Variants in ANKRD42 observed in about 807,000 individuals in gnomAD.
ANKRD42 encodes the protein ankyrin repeat domain-containing protein 42.
ANKRD42 carries 43 observed loss-of-function variants against 51.5 expected under a neutral mutation model. The ratio of observed to expected loss-of-function variants is 0.83; its 90% CI spans 0.65 to 1.08. The LOEUF (loss-of-function observed/expected upper bound fraction) is 1.08, where lower values mean the gene tolerates loss of function less well. Among genes scored for constraint, ANKRD42 ranks in the 50% least tolerant of loss-of-function variants. ANKRD42 has a pLI of 0.00. For synonymous variants in ANKRD42, 203 were observed against 213.0 expected, an observed-to-expected ratio of 0.95 and a Z score of 0.41; for missense variants, 608 against 629.3, an observed-to-expected ratio of 0.97 and a Z score of 0.36.
At chr11:83,247,620 C>T (rs1330425352) in intron 10 of ANKRD42, among the ~76,000 whole-genome samples, 1 of 152,170 alleles carries the variant, frequency 6.6e-6, no homozygotes, top group African/African-American at 2.4e-5. Context: ...ACTACTCTTT[C>T]CTGCTTTATT....
chr11:83,261,579 A>G (rs1446003515), downstream of ANKRD42: 1 of 179,544 alleles, frequency 5.6e-6, no homozygotes, highest in African/African-American at 2.4e-5. Context: ...AATACCCACA[A>G]AATCCTGTAT....
intron 3 of ANKRD42, among the ~76,000 whole-genome samples, chr11:83,207,736 C>A (rs1302400298): frequency 6.6e-6 from 1 of 152,200 alleles, no homozygotes; most frequent in Non-Finnish European, 1.5e-5. Context: ...AAGCAAGTGA[C>A]AGAGCTAGGA....
intron 5 of ANKRD42, chr11:83,213,307 T>G: frequency 6.3e-7 from 1 of 1,590,192 alleles, no homozygotes; most frequent in Non-Finnish European, 8.5e-7. Context: ...AGATGTTTCC[T>G]CCAAGAACTG....
intron 3 of ANKRD42, chr11:83,209,390 C>T (rs936905485): frequency 1.9e-6 from 3 of 1,558,832 alleles, no homozygotes; most frequent in Admixed American, 1.9e-5. Context: ...GCTAGCAAAC[C>T]GAGCGATCAT....
At chr11:83,223,730 A>G (rs1862786936) in intron 5 of ANKRD42, among the ~76,000 whole-genome samples, 1 of 152,094 alleles carries the variant, frequency 6.6e-6, no homozygotes, top group African/African-American at 2.4e-5. Flanking sequence ...GGGAGGATAG[A>G]TTGATATGTG....
intron 7 of ANKRD42, 27 bp from the exon 8 acceptor site, chr11:83,236,377 C>A: frequency 1.3e-6 from 2 of 1,568,356 alleles, no homozygotes; most frequent in Non-Finnish European, 1.7e-6. Context: ...GTGTGTAATT[C>A]CTGTTCTTTT....
At chr11:83,264,131 CAT>C (rs1168738133), downstream of ANKRD42, among the ~76,000 whole-genome samples, 1 of 152,102 alleles carries the variant, frequency 6.6e-6, no homozygotes, top group Admixed American at 6.5e-5. Flanking sequence ...AACGTTAACA[CAT>C]ATATATGGCT....
downstream of ANKRD42, among the ~76,000 whole-genome samples, chr11:83,262,673 T>A (rs892911672): frequency 1.3e-5 from 2 of 152,292 alleles, no homozygotes; most frequent in East Asian, 1.9e-4. Context: ...CTTTTATGAA[T>A]AAAGACACAA....
At chr11:83,224,157 C>G (rs1411532753) in intron 5 of ANKRD42, among the ~76,000 whole-genome samples, 1 of 151,938 alleles carries the variant, frequency 6.6e-6, no homozygotes, top group East Asian at 1.9e-4. Flanking sequence ...GTCTGCAGTT[C>G]AATCCATTCT....
intron 8 of ANKRD42, 22 bp downstream of exon 8, chr11:83,236,531 A>C (rs765680079): frequency 6.4e-7 from 1 of 1,557,838 alleles, no homozygotes; most frequent in Non-Finnish European, 8.7e-7. Flanking sequence ...TGTCTTCTTT[A>C]CTCCTTTCTT....
chr11:83,228,108 T>C (rs1862947384), intron 7 of ANKRD42, among the ~76,000 whole-genome samples: 2 of 152,098 alleles, frequency 1.3e-5, no homozygotes, highest in Admixed American at 1.3e-4. Context: ...CCAATAAAAT[T>C]TCTATAGTGA....
chr11:83,230,927 A>G (rs1291619181), intron 7 of ANKRD42, among the ~76,000 whole-genome samples: 1 of 152,130 alleles, frequency 6.6e-6, no homozygotes, highest in Non-Finnish European at 1.5e-5. Context: ...TGCATTGTGT[A>G]TATGTACCAC....
chr11:83,209,313 G>C, intron 3 of ANKRD42: 1 of 802,644 alleles, frequency 1.2e-6, no homozygotes, highest in Non-Finnish European at 2.1e-6. Flanking sequence ...ACATTTTCTT[G>C]AGGCCAAAGT....
At chr11:83,228,220 CCT>C (rs1201296890) in intron 7 of ANKRD42, among the ~76,000 whole-genome samples, 34 of 76,188 alleles carry the variant, frequency 4.5e-4, no homozygotes, top group South Asian at 3.8e-3. Flanking sequence ...AGAAATCATC[CCT>C]CTCTCTCTCT....
intron 2 of ANKRD42, among the ~76,000 whole-genome samples, chr11:83,201,911 G>C (rs1861885596): frequency 6.6e-6 from 1 of 152,122 alleles, no homozygotes; most frequent in African/African-American, 2.4e-5. Context: ...CAGATGGATA[G>C]ATTGCACAAA....
Position 83,245,644 on chromosome 11 carries a change from AATG to A in ANKRD42, c.1322+23_1322+25del. On this transcript the variant is annotated intron_variant, in intron 10 of 10. Transcript: ENST00000533342. ...TGAAAAGTAATGTCCTTAAAACTTT[AATG>A]ATTTGTTTTTAAATACCTCTCTAAA... 1 of 1,522,784 alleles carries A rather than the reference AATG, an allele frequency of 6.6e-7. No homozygotes were observed. Among genetic ancestry groups the A allele is most frequent in the African/African-American group, 1.4e-5 (1 of 72,124 alleles). 94.3% of individuals were successfully genotyped at this position (1,522,784 alleles called of 1,614,324 possible).
chr11:83,255,887 G>A (rs1176915859), exon 12 of ANKRD42: 2 of 1,532,432 alleles, frequency 1.3e-6, no homozygotes, highest in Admixed American at 4.0e-5. Flanking sequence ...GAAGAGGCGA[G>A]TAAAAAAAAA....
At chr11:83,195,369 G>A (rs12226394) in intron 1 of ANKRD42, among the ~76,000 whole-genome samples, 11,261 of 152,286 alleles carry the variant, frequency 0.074, 460 homozygotes, top group Middle Eastern at 0.18. Context: ...AGTGAGATCA[G>A]TGTTATAAAG....
At chr11:83,258,791 G>A (rs1863818556), downstream of ANKRD42, among the ~76,000 whole-genome samples, 2 of 138,570 alleles carry the variant, frequency 1.4e-5, no homozygotes, top group African/African-American at 5.0e-5. Context: ...AATTCTTCAA[G>A]TTTGACAACA....
Sources: gnomAD v4.1 joint callset for allele counts (sites outside exome capture counted in the v4.1 genomes callset) on GRCh38, gnomAD v4.1.1 for gene constraint, MANE v1.5 for transcripts, NCBI Gene and HGNC (gene_info 2026-07-23, HGNC 2026-07-21) for gene names.